Variants in RGS12 observed in about 807,000 individuals in gnomAD.
RGS12 encodes the protein regulator of G protein signaling 12, also known as regulator of G-protein signaling 12.
A neutral mutation model predicts 120.1 loss-of-function variants in RGS12; 66 were observed. That is an observed-to-expected ratio of 0.55 (90% CI 0.45 to 0.67). The LOEUF is 0.67. Ranked by LOEUF, RGS12 falls within the 30% of genes least tolerant of loss-of-function variation. RGS12 has a pLI of 0.00. For missense variants in RGS12, 1,859 were observed against 1,957.7 expected, an observed-to-expected ratio of 0.95 and a Z score of 0.95; for synonymous variants, 827 against 804.7, an observed-to-expected ratio of 1.03 and a Z score of -0.47.
Position 3,311,123 on chromosome 4 carries a change from T to G in RGS12, c.-101-4947T>G, listed in dbSNP as rs537741743. Among the ~76,000 whole-genome samples, 21 of 152,284 alleles carry G rather than the reference T, an allele frequency of 1.4e-4. No individual in the cohort carries two copies. In the South Asian group the frequency reaches 4.2e-3, roughly 30 times the overall value. Reference sequence around the variant, plus strand: ...GAGGCCGTGATTGCTGATGTTGTGCTGTTCTTGTGCCTTGCTCTCTTCTTC... The same window carrying G: ...GAGGCCGTGATTGCTGATGTTGTGCGGTTCTTGTGCCTTGCTCTCTTCTTC... On this transcript the variant is annotated intron_variant, in intron 1 of 17. Transcript: ENST00000336727.
At chr4:3,286,343 A>G in the RGS12 span, among the ~76,000 whole-genome samples, 2 of 152,090 alleles carry the variant, frequency 1.3e-5, no homozygotes, top group Admixed American at 1.3e-4. Flanking sequence ...TCTGTTCCCC[A>G]TTACTGCGTA....
In RGS12 at chr4:3,379,613, G is replaced by A. The variant is rs145218220; in HGVS notation, c.1999-6803G>A. ...GATTAACTCACAGTTTCACATGGCT[G>A]GGGAGGCCTCAGGGAACTTACAATC... On this transcript the variant is annotated intron_variant, in intron 3 of 17. Transcript: ENST00000336727. Among the ~76,000 whole-genome samples, 1,393 of 152,260 alleles carry A rather than the reference G, an allele frequency of 9.1e-3. 11 individuals are homozygous for A. Among genetic ancestry groups the A allele is most frequent in the Non-Finnish European group, 0.013 (854 of 68,018 alleles).
At chr4:3,397,779 G>C (rs28525039) in intron 4 of RGS12, among the ~76,000 whole-genome samples, 11,433 of 152,268 alleles carry the variant, frequency 0.075, 1,101 homozygotes, top group African/African-American at 0.23. Flanking sequence ...GGAGTCATCA[G>C]CGTTTCAATG....
At chr4:3,376,252 A>ACG (rs2108918388) in intron 3 of RGS12, among the ~76,000 whole-genome samples, 1 of 71,972 alleles carries the variant, frequency 1.4e-5, no homozygotes, top group South Asian at 5.8e-4. Context: ...CTTGGAACAC[A>ACG]CACACACACA....
intron 4 of RGS12, among the ~76,000 whole-genome samples, chr4:3,404,809 A>G (rs554193840): frequency 2.0e-5 from 3 of 152,374 alleles, no homozygotes; most frequent in South Asian, 2.1e-4. Context: ...TTTGGTGTCT[A>G]TACCTCTTTT....
chr4:3,439,273 CT>C (rs1725102856), intron 17 of RGS12, among the ~76,000 whole-genome samples, 181 bp from the exon 18 acceptor site: 1 of 152,122 alleles, frequency 6.6e-6, no homozygotes, highest in Admixed American at 6.5e-5. Context: ...TGCACCTCCC[CT>C]GGGCGTACCT....
chr4:3,301,082 C>T (rs113320318), intron 1 of RGS12, among the ~76,000 whole-genome samples: 3,139 of 150,776 alleles, frequency 0.021, 98 homozygotes, highest in African/African-American at 0.064. Context: ...CTCTGTAACA[C>T]GGGGTCTGTC....
rs531307638 is a variant in RGS12 at position 3,415,951 on chromosome 4, G to A, written c.2284-27G>A. Reference sequence around the variant, plus strand: ...GAGTGCGGGGAGAGGAAGCCTTGCCGGGCTGCTCAGGTGCCTTTCCTGTCA... The same window carrying A: ...GAGTGCGGGGAGAGGAAGCCTTGCCAGGCTGCTCAGGTGCCTTTCCTGTCA... On this transcript the variant is annotated intron_variant, in intron 6 of 17. Transcript: ENST00000336727. The A allele has an allele frequency of 3.8e-6, 6 of 1,588,072 alleles. No homozygotes were observed. In the African/African-American group the frequency reaches 4.0e-5, roughly 11 times the overall value.
At chr4:3,311,966 G>A (rs1724430249) in intron 1 of RGS12, among the ~76,000 whole-genome samples, 1 of 152,182 alleles carries the variant, frequency 6.6e-6, no homozygotes. Context: ...GCTGGACCTT[G>A]TTCCCTTTTC....
chr4:3,338,424 C>T (rs1417701974), intron 2 of RGS12, among the ~76,000 whole-genome samples: 1 of 152,250 alleles, frequency 6.6e-6, no homozygotes, highest in Admixed American at 6.5e-5. Flanking sequence ...AGGTTCTACC[C>T]TTCCCCTCCC....
intron 1 of RGS12, among the ~76,000 whole-genome samples, chr4:3,308,281 A>T (rs1320638361): frequency 6.6e-6 from 1 of 152,218 alleles, no homozygotes; most frequent in African/African-American, 2.4e-5. Context: ...ACATGTGACG[A>T]TCTCAACAGC....
At chr4:3,344,744 C>G (rs1713633430) in intron 3 of RGS12, among the ~76,000 whole-genome samples, 1 of 152,234 alleles carries the variant, frequency 6.6e-6, no homozygotes, top group Non-Finnish European at 1.5e-5. Context: ...CAGGGCCCTG[C>G]TGCTTTCCAC....
In RGS12 at chr4:3,420,682, G is replaced by A. The variant is rs752942940; in HGVS notation, c.2802G>A (p.Ser934=). ...ATGGAGGCCTGTGTCGCCGAGAGTCGCAGGGCTCTGTGTCCTCTGCGGGGA... is the reference window on the plus strand; with the variant it reads ...ATGGAGGCCTGTGTCGCCGAGAGTCACAGGGCTCTGTGTCCTCTGCGGGGA... The part of the protein sequence containing the change: ...HANGGLCRRE[S]QGSVSSAGSL... Residue 934 remains serine, a synonymous_variant, in exon 10 of 18, where the codon TCG becomes TCA. Coordinates refer to ENST00000336727, the MANE Select transcript of RGS12 (RefSeq NM_001394154.1). 33 of 1,613,086 alleles carry A rather than the reference G, an allele frequency of 2.0e-5. No homozygotes were observed. Among genetic ancestry groups the A allele is most frequent in the African/African-American group, 2.7e-5 (2 of 74,950 alleles).
chr4:3,422,383 C>T lies in RGS12; in HGVS notation c.2846C>T (p.Ala949Val), dbSNP rs1723110499. The T allele has an allele frequency of 6.2e-7, 1 of 1,610,968 alleles. No individual in the cohort carries two copies. The highest frequency in any genetic ancestry group is 8.5e-7 in the Non-Finnish European group (1 of 1,178,756). Residue 949 changes from alanine to valine, a missense_variant, in exon 11 of 18, where the codon GCC becomes GTC. Transcript: ENST00000336727. ...TGTCTCGCTGCTCCCCAGTCGGAGG[C>T]CTGCAGGACTTTGGCACCCGAGAAG... ...SSAGSLDLSEACRTLAPEKDK... is the reference protein window; with the variant it reads ...SSAGSLDLSEVCRTLAPEKDK...
chr4:3,399,977 C>T (rs1720415606), intron 4 of RGS12, among the ~76,000 whole-genome samples: 1 of 152,236 alleles, frequency 6.6e-6, no homozygotes, highest in Non-Finnish European at 1.5e-5. Flanking sequence ...GGTCATGGCT[C>T]TCAGCCATAC....
intron 1 of RGS12, among the ~76,000 whole-genome samples, chr4:3,296,578 C>T (rs749415833): frequency 6.6e-6 from 1 of 152,216 alleles, no homozygotes; most frequent in Non-Finnish European, 1.5e-5. Flanking sequence ...TCCGTATTGC[C>T]GTATGGCTTT....
intron 1 of RGS12, chr4:3,314,733 C>T (rs1160447489): frequency 1.3e-5 from 2 of 152,202 alleles, no homozygotes; most frequent in Non-Finnish European, 2.9e-5. Flanking sequence ...AAAAAACATA[C>T]CCTCTATTCT....
intron 1 of RGS12, among the ~76,000 whole-genome samples, chr4:3,311,453 T>A (rs1724397758): frequency 6.6e-6 from 1 of 152,252 alleles, no homozygotes. Flanking sequence ...TTTTTCTTTG[T>A]TTTGTTTTAT....
In RGS12 at chr4:3,425,575, T is replaced by C; in HGVS notation, c.3331+15T>C. 6.4e-7 allele frequency: 1 copy of C among 1,562,982 alleles called. No individual in the cohort carries two copies. The highest frequency in any genetic ancestry group is 8.7e-7 in the Non-Finnish European group (1 of 1,152,602). ...CAGAGGAAAGGGTGAGTAGGGCTGG[T>C]GCAGCGGATGGGGAGAGGGTGAGTG... is the stretch of plus-strand genomic sequence containing the variant. On this transcript the variant is annotated intron_variant, in intron 14 of 17. Coordinates refer to ENST00000336727, the MANE Select transcript of RGS12 (RefSeq NM_001394154.1).
Sources: allele counts gnomAD v4.1 joint callset (sites outside exome capture counted in the v4.1 genomes callset), GRCh38; gene constraint gnomAD v4.1.1; transcripts MANE v1.5; gene names NCBI Gene and HGNC (gene_info 2026-07-23, HGNC 2026-07-21).